Variants in SEMA4D observed in about 807,000 individuals in gnomAD.
SEMA4D encodes the protein semaphorin-4D.
In SEMA4D, 22 loss-of-function variants were observed where a neutral mutation model predicts 74.8. The observed-to-expected ratio is 0.29, with a 90% CI of 0.21 to 0.42. SEMA4D has a LOEUF of 0.42. Among genes scored for constraint, SEMA4D ranks in the 10% least tolerant of loss-of-function variants. SEMA4D has a pLI of 1.00. For missense variants in SEMA4D, 937 were observed against 1,118.4 expected, an observed-to-expected ratio of 0.84 and a Z score of 2.31; for synonymous variants, 445 against 463.7, an observed-to-expected ratio of 0.96 and a Z score of 0.52.
At chr9:89,449,866 G>T in intron 2 of SEMA4D, 3 of 1,502,078 alleles carry the variant, frequency 2.0e-6, no homozygotes, top group Non-Finnish European at 9.2e-7. Context: ...CTCAAGGAAG[G>T]TGACTTGGTA....
chr9:89,401,194 C>T (rs988505171), intron 4 of SEMA4D, among the ~76,000 whole-genome samples: 27 of 151,914 alleles, frequency 1.8e-4, no homozygotes, highest in African/African-American at 6.5e-4. Context: ...ACCTCAGACT[C>T]CCAAGACCTG....
At chr9:89,404,897 C>T (rs1331714299) in intron 3 of SEMA4D, among the ~76,000 whole-genome samples, 3 of 136,344 alleles carry the variant, frequency 2.2e-5, no homozygotes, top group South Asian at 2.4e-4. Context: ...CCCAGTCACC[C>T]GCCTCAGCAT....
chr9:89,434,422 TTTCATGAAGC>T (rs1419817605), intron 2 of SEMA4D, among the ~76,000 whole-genome samples: 3 of 152,236 alleles, frequency 2.0e-5, no homozygotes, highest in Non-Finnish European at 4.4e-5. Flanking sequence ...TTTCACTTTC[TTTCATGAAGC>T]TTCATGTATG....
chr9:89,405,452 C>T lies in SEMA4D; in HGVS notation c.5G>A (p.Arg2Lys). The T allele has an allele frequency of 1.2e-6, 2 of 1,613,716 alleles. No homozygotes were observed. Among genetic ancestry groups the T allele is most frequent in the Non-Finnish European group, 1.7e-6 (2 of 1,180,016 alleles). Residue 2 changes from arginine to lysine, a missense_variant, in exon 3 of 16, where the codon AGG (arginine) becomes AAG (lysine). Coordinates refer to ENST00000422704, the MANE Select transcript of SEMA4D (RefSeq NM_001371194.2). M[R>K]MCTPIRGLLM... is the part of the protein sequence containing the mutation. The stretch of plus-strand genomic sequence containing the variant: ...CAGCCCCCTAATGGGGGTGCACATC[C>T]TCATCAGGTAGAGGCGACCCCAGGG...
chr9:89,454,913 G>A (rs1855567136), intron 2 of SEMA4D, among the ~76,000 whole-genome samples: 4 of 152,238 alleles, frequency 2.6e-5, no homozygotes, highest in Admixed American at 2.0e-4. Flanking sequence ...CCCGCCCCTC[G>A]AGGAAGCTGC....
intron 2 of SEMA4D, among the ~76,000 whole-genome samples, chr9:89,415,539 G>A (rs909945013): frequency 1.3e-4 from 20 of 152,162 alleles, no homozygotes; most frequent in African/African-American, 4.6e-4. Flanking sequence ...TGGGTCAGGA[G>A]GGCAGAGTCT....
At chr9:89,475,681 T>C (rs904986439) in intron 1 of SEMA4D, among the ~76,000 whole-genome samples, 3 of 152,210 alleles carry the variant, frequency 2.0e-5, no homozygotes, top group Non-Finnish European at 4.4e-5. Flanking sequence ...CCAGGCTGTG[T>C]TTCTCCCGCC....
At position 89,379,290 on chromosome 9, in the gene SEMA4D, A is replaced by G; in HGVS notation, c.2003T>C (p.Ile668Thr). ...GGATGCCACCAACACTTTGGTGGCA[A>G]TCCTACTACCTTCTGTCTGAACAAC... The part of the protein sequence containing the change: ...LSVVQTEGSR[I>T]ATKVLVASTQ... The change falls in exon 16 of 16, where the codon ATT (isoleucine) becomes ACT (threonine). Residue 668 changes from isoleucine to threonine, a missense_variant. Transcript: ENST00000422704. The G allele has an allele frequency of 6.2e-7, 1 of 1,614,046 alleles. No individual in the cohort carries two copies. The highest frequency in any genetic ancestry group is 1.3e-5 in the African/African-American group (1 of 75,000).
chr9:89,450,825 G>A, intron 2 of SEMA4D: 1 of 694,294 alleles, frequency 1.4e-6, no homozygotes, highest in East Asian at 2.6e-5. Flanking sequence ...ACTCTGTGAA[G>A]TGCAGTTCTT....
At position 89,386,356 on chromosome 9, in the gene SEMA4D, C is replaced by A. The variant is rs770183549; in HGVS notation, c.1446+11G>T. The stretch of plus-strand genomic sequence containing the variant: ...GAGAAGCCCCCGGTCCAGCTGCCTG[C>A]GTCACTTTACCTTCTTTGAAGACAG... On this transcript the variant is annotated intron_variant, in intron 13 of 15. Transcript: ENST00000422704. 1.8e-5 allele frequency: 28 copies of A among 1,595,390 alleles called. No homozygotes were observed. Among genetic ancestry groups the A allele is most frequent in the Non-Finnish European group, 2.3e-5 (27 of 1,164,726 alleles).
chr9:89,389,274 A>C (rs781459685), intron 9 of SEMA4D, among the ~76,000 whole-genome samples: 13 of 152,200 alleles, frequency 8.5e-5, no homozygotes, highest in Admixed American at 3.3e-4. Flanking sequence ...ACACAAAACA[A>C]AACGGACAAA....
At position 89,385,694 on chromosome 9, in the gene SEMA4D, C is replaced by T. The variant is rs111992963; in HGVS notation, c.1446+673G>A. On this transcript the variant is annotated intron_variant, in intron 13 of 15. Transcript: ENST00000422704. ...AGACCTGGAGGGGTGTTTGCAAATA[C>T]GCACCTGCCAAGGGTAGGTATCTTA... 1,203 of 506,114 alleles carry T rather than the reference C, an allele frequency of 2.4e-3. 10 individuals carry two copies. Among genetic ancestry groups the T allele is most frequent in the African/African-American group, 0.023 (1,085 of 47,846 alleles). 31.4% of individuals were successfully genotyped at this position (506,114 alleles called of 1,614,324 possible).
chr9:89,374,904 T>C (rs1043297251), downstream of SEMA4D, among the ~76,000 whole-genome samples: 1 of 151,980 alleles, frequency 6.6e-6, no homozygotes, highest in Non-Finnish European at 1.5e-5. Flanking sequence ...AATACAAAAA[T>C]TAGCTGGGCA....
intron 1 of SEMA4D, among the ~76,000 whole-genome samples, chr9:89,459,938 A>C (rs1266805697): frequency 6.6e-6 from 1 of 152,228 alleles, no homozygotes; most frequent in Non-Finnish European, 1.5e-5. Flanking sequence ...CCTAGAAAAC[A>C]GCAGGAGGTA....
At chr9:89,418,063 T>G in intron 2 of SEMA4D, 5 of 983,668 alleles carry the variant, frequency 5.1e-6, no homozygotes, top group Non-Finnish European at 6.0e-6. Flanking sequence ...TACCTGTATC[T>G]TATGCCTCTT....
At chr9:89,379,774 A>G (rs1836591597) in intron 15 of SEMA4D, 145 bp from the exon 16 acceptor site, 1 of 1,006,718 alleles carries the variant, frequency 9.9e-7, no homozygotes, top group South Asian at 1.7e-5. Flanking sequence ...AGATAAAGAC[A>G]TGCGTGACCA....
chr9:89,480,764 T>C (rs1018954827), intron 1 of SEMA4D, among the ~76,000 whole-genome samples: 78 of 152,328 alleles, frequency 5.1e-4, no homozygotes, highest in East Asian at 1.5e-3. Context: ...GGCCCGCAAG[T>C]GCCGCACACA....
At chr9:89,469,851 G>A (rs1364273937) in intron 1 of SEMA4D, among the ~76,000 whole-genome samples, 2 of 152,194 alleles carry the variant, frequency 1.3e-5, no homozygotes, top group African/African-American at 2.4e-5. Context: ...CGGAAGCAAG[G>A]CAAGGATGTG....
At chr9:89,414,675 A>G (rs1341757103) in intron 2 of SEMA4D, among the ~76,000 whole-genome samples, 1 of 152,236 alleles carries the variant, frequency 6.6e-6, no homozygotes, top group Non-Finnish European at 1.5e-5. Context: ...TCACAAGCAT[A>G]ATAAACAGTT....
Sources: allele counts gnomAD v4.1 joint callset (sites outside exome capture counted in the v4.1 genomes callset), GRCh38; gene constraint gnomAD v4.1.1; transcripts MANE v1.5; gene names NCBI Gene and HGNC (gene_info 2026-07-23, HGNC 2026-07-21).